The following HAP1 variants were observed in gnomAD, a reference collection of about 807,000 sequenced individuals.
HAP1 encodes the protein huntingtin-associated protein 1.
Under a neutral mutation model 60.3 loss-of-function variants are expected in HAP1, and 59 were observed. The ratio of observed to expected loss-of-function variants is 0.98; its 90% CI spans 0.79 to 1.22. The LOEUF (loss-of-function observed/expected upper bound fraction) is 1.22, where lower values mean the gene tolerates loss of function less well. Ranked by LOEUF, HAP1 falls within the 50% of genes most tolerant of loss-of-function variation. The pLI is 0.00. For missense variants in HAP1, 825 were observed against 785.3 expected, an observed-to-expected ratio of 1.05 and a Z score of -0.60; for synonymous variants, 346 against 330.6, an observed-to-expected ratio of 1.05 and a Z score of -0.50.
intron 1 of HAP1, among the ~76,000 whole-genome samples, chr17:41,733,811 C>T (rs116334905): frequency 0.02 from 3,032 of 151,698 alleles, 104 homozygotes; most frequent in African/African-American, 0.069. Flanking sequence ...AGCGCAGACT[C>T]AGAGCGCGCG....
chr17:41,725,951 C>A, intron 9 of HAP1, 54 bp from the exon 10 acceptor site: 1 of 1,335,294 alleles, frequency 7.5e-7, no homozygotes. Flanking sequence ...AAACTGCAGT[C>A]CCTGGGGCTT....
intron 1 of HAP1, 53 bp from the exon 2 acceptor site, chr17:41,732,851 A>G: frequency 2.0e-6 from 2 of 993,612 alleles, no homozygotes; most frequent in Non-Finnish European, 1.6e-6. Context: ...AGGAAAAAGG[A>G]GCAGATGCTA....
At chr17:41,734,054 C>G (rs1167392134) in intron 1 of HAP1, 112 bp downstream of exon 1, 20 of 781,832 alleles carry the variant, frequency 2.6e-5, no homozygotes, top group Non-Finnish European at 4.0e-5. Flanking sequence ...GGGTGGTGGA[C>G]GGGTGACACT....
chr17:41,726,602 C>T (rs1485129421), intron 9 of HAP1, among the ~76,000 whole-genome samples: 4 of 151,424 alleles, frequency 2.6e-5, no homozygotes, highest in Non-Finnish European at 4.4e-5. Flanking sequence ...ATGGCTCACG[C>T]CTGTAATCCC....
intron 1 of HAP1, 83 bp from the exon 2 acceptor site, chr17:41,732,881 C>A (rs1298664734): frequency 2.4e-6 from 2 of 816,676 alleles, no homozygotes; most frequent in African/African-American, 1.7e-5. Context: ...AGCTGTTTCC[C>A]GTCCTATCGT....
At chr17:41,719,750 C>G (rs1911122464), downstream of HAP1, among the ~76,000 whole-genome samples, 1 of 151,730 alleles carries the variant, frequency 6.6e-6, no homozygotes, top group Admixed American at 6.6e-5. Context: ...AAATGATCAA[C>G]ATTGTGCAAC....
chr17:41,726,039 G>A (rs1194143250), intron 9 of HAP1, 142 bp from the exon 10 acceptor site: 12 of 672,814 alleles, frequency 1.8e-5, no homozygotes, highest in African/African-American at 1.2e-4. Flanking sequence ...GGAGGCCGAG[G>A]TGGGCAGGTC....
At position 41,733,352 on chromosome 17, in the gene HAP1, C is replaced by CTTTTTTTTT. The variant is rs1226491607; in HGVS notation, c.470-563_470-555dup. On this transcript the variant is annotated intron_variant, in intron 1 of 10. Transcript: ENST00000347901. The stretch of plus-strand genomic sequence containing the variant: ...TACAGGCGTCAGCCACCGCGCCCGG[C>CTTTTTTTTT]TTTTTTTTTTTTTTTTTTTTTTTTA... Among the ~76,000 whole-genome samples the CTTTTTTTTT allele has an allele frequency of 2.1e-4, 16 of 74,674 alleles. 2 individuals are homozygous for CTTTTTTTTT. Among genetic ancestry groups the CTTTTTTTTT allele is most frequent in the Non-Finnish European group, 2.5e-4 (11 of 43,340 alleles). 49.0% of individuals were successfully genotyped at this position (74,674 alleles called of 152,430 possible).
At chr17:41,727,696 C>G in intron 8 of HAP1, 66 bp downstream of exon 8, 1 of 1,054,212 alleles carries the variant, frequency 9.5e-7, no homozygotes, top group Admixed American at 1.8e-5. Flanking sequence ...CTGCCAAGGG[C>G]CTGGGGTCCC....
rs1355555755 is a variant in HAP1 at position 41,727,552 on chromosome 17, G to A, written c.1275+210C>T. The A allele has an allele frequency of 8.6e-6, 6 of 694,306 alleles. No homozygotes were observed. In the Admixed American group the frequency reaches 1.2e-4, roughly 14 times the overall value. 43.0% of individuals were successfully genotyped at this position (694,306 alleles called of 1,614,324 possible). On this transcript the variant is annotated intron_variant, in intron 8 of 10. Coordinates refer to ENST00000347901, the MANE Select transcript of HAP1 (RefSeq NM_177977.3). ...TCTGGACTCCAAGTGTCATGTGGGG[G>A]ACCCAGGGCAGGTCCCTGCACTCCA... is the stretch of plus-strand genomic sequence containing the variant.
intron 6 of HAP1, among the ~76,000 whole-genome samples, chr17:41,729,577 A>AAAAAAAAAAAAC (rs1911974370): frequency 7.7e-6 from 1 of 129,558 alleles, no homozygotes; most frequent in African/African-American, 2.9e-5. Flanking sequence ...AAAAAAAAAA[A>AAAAAAAAAAAAC]AAGGAAATGC....
At chr17:41,726,720 G>A (rs546779845) in intron 9 of HAP1, among the ~76,000 whole-genome samples, 13 of 152,038 alleles carry the variant, frequency 8.6e-5, no homozygotes, top group East Asian at 1.9e-4. Context: ...AAAAGTAGCC[G>A]GGCGTGATGG....
intron 9 of HAP1, among the ~76,000 whole-genome samples, chr17:41,726,560 CAA>C (rs57464420): frequency 5.3e-5 from 6 of 114,088 alleles, no homozygotes; most frequent in Admixed American, 1.9e-4. Context: ...AGACTCGTCT[CAA>C]AAAAAAAAAA....
At chr17:41,731,810 G>T in intron 4 of HAP1, 67 bp from the exon 5 acceptor site, 2 of 1,174,464 alleles carry the variant, frequency 1.7e-6, no homozygotes, top group Non-Finnish European at 1.3e-6. Flanking sequence ...GCCCACCAGG[G>T]CTAAGGGCAG....
intron 6 of HAP1, among the ~76,000 whole-genome samples, chr17:41,728,995 G>A (rs900649450): frequency 6.6e-6 from 1 of 152,064 alleles, no homozygotes; most frequent in Non-Finnish European, 1.5e-5. Context: ...CCAGGCAGGA[G>A]TGCAATAGTG....
chr17:41,732,428 G>C, intron 2 of HAP1, 34 bp from the exon 3 acceptor site: 1 of 1,605,412 alleles, frequency 6.2e-7, no homozygotes, highest in Non-Finnish European at 8.5e-7. Flanking sequence ...GAGAGGCTAG[G>C]CCCCTAAGAG....
intron 10 of HAP1, 34 bp downstream of exon 10, chr17:41,725,825 G>C (rs782372642): frequency 1.5e-5 from 23 of 1,574,910 alleles, no homozygotes; most frequent in Non-Finnish European, 1.9e-5. Context: ...TGAAAGCTGA[G>C]GGCAGGTTGT....
intron 1 of HAP1, among the ~76,000 whole-genome samples, chr17:41,733,130 C>A (rs1434522902): frequency 1.5e-5 from 2 of 136,870 alleles, no homozygotes; most frequent in Non-Finnish European, 3.1e-5. Context: ...CAGCTCACTG[C>A]AACGTCTGCC....
At chr17:41,728,869 G>A (rs949156876) in intron 6 of HAP1, among the ~76,000 whole-genome samples, 2 of 152,108 alleles carry the variant, frequency 1.3e-5, no homozygotes, top group African/African-American at 2.4e-5. Flanking sequence ...AAGGGGGTGG[G>A]GTTTATCCTT....
Sources: allele counts gnomAD v4.1 joint callset (sites outside exome capture counted in the v4.1 genomes callset), GRCh38; gene constraint gnomAD v4.1.1; transcripts MANE v1.5; gene names NCBI Gene and HGNC (gene_info 2026-07-23, HGNC 2026-07-21).